The following NAF1 variants were observed in gnomAD, a reference collection of about 807,000 sequenced individuals.
NAF1 encodes the protein H/ACA ribonucleoprotein complex non-core subunit NAF1.
A neutral mutation model predicts 40.6 loss-of-function variants in NAF1; 11 were observed. The ratio of observed to expected loss-of-function variants is 0.27; its 90% CI spans 0.17 to 0.45. NAF1 has a LOEUF of 0.45. Ranked by LOEUF, NAF1 falls within the 20% of genes least tolerant of loss-of-function variation. The pLI is 1.00. For synonymous variants in NAF1, 260 were observed against 228.5 expected, an observed-to-expected ratio of 1.14 and a Z score of -1.24; for missense variants, 607 against 611.1, an observed-to-expected ratio of 0.99 and a Z score of 0.07.
downstream of NAF1, among the ~76,000 whole-genome samples, chr4:163,124,972 A>G (rs1026056738): frequency 1.3e-5 from 2 of 152,172 alleles, no homozygotes; most frequent in African/African-American, 4.8e-5. Context: ...CAATATTCTG[A>G]ACTTTTTCTT....
rs1383307374 is a variant in NAF1, at chr4:163,166,747, G to A, written c.-20C>T. 1 of 1,612,870 alleles carries A rather than the reference G, an allele frequency of 6.2e-7. No homozygotes were observed. Among genetic ancestry groups the A allele is most frequent in the South Asian group, 1.1e-5 (1 of 90,914 alleles). ...CTCCATCGCACCGCGCCAGAAACCG[G>A]GTCGGCCTCAGGATTGGGGCCCCTG... On this transcript the variant is annotated 5_prime_UTR_variant, in exon 1 of 8. Transcript: ENST00000274054.
Position 163,166,759 on chromosome 4 carries a change from G to T in NAF1, c.-32C>A. 1 of 1,611,614 alleles carries T rather than the reference G, an allele frequency of 6.2e-7. No individual in the cohort carries two copies. Among genetic ancestry groups the T allele is most frequent in the Non-Finnish European group, 8.5e-7 (1 of 1,179,264 alleles). On this transcript the variant is annotated 5_prime_UTR_variant, in exon 1 of 8. Transcript: ENST00000274054. ...GCGCCAGAAACCGGGTCGGCCTCAG[G>T]ATTGGGGCCCCTGGACAAGCTCACG...
intron 4 of NAF1, chr4:163,141,793 A>C: frequency 4.2e-6 from 1 of 237,158 alleles, no homozygotes; most frequent in Non-Finnish European, 6.9e-6. Context: ...GGACCAATTT[A>C]TACCAACTGC....
At chr4:163,146,893 TATTGTTAAAAATGC>T in intron 3 of NAF1, among the ~76,000 whole-genome samples, 1 of 152,338 alleles carries the variant, frequency 6.6e-6, no homozygotes, top group Non-Finnish European at 1.5e-5. Flanking sequence ...GTCAAAATAG[TATTGTTAAAAATGC>T]AAAAATGACA....
chr4:163,123,140 C>G (rs980554667), downstream of NAF1, among the ~76,000 whole-genome samples: 16 of 152,172 alleles, frequency 1.1e-4, no homozygotes, highest in Non-Finnish European at 2.1e-4. Flanking sequence ...AGGAAGCTTT[C>G]AATCACAGGG....
chr4:163,106,099 AC>A (rs1376925409), downstream of NAF1, among the ~76,000 whole-genome samples: 2 of 152,096 alleles, frequency 1.3e-5, no homozygotes, highest in Non-Finnish European at 2.9e-5. Context: ...CATTAACCAC[AC>A]CTGTGGGAGG....
intron 2 of NAF1, among the ~76,000 whole-genome samples, chr4:163,163,837 CA>C (rs1234129836): frequency 1.3e-5 from 2 of 151,396 alleles, no homozygotes; most frequent in African/African-American, 2.4e-5. Context: ...ACGTGCAGAC[CA>C]AAAAAATTGA....
At position 163,140,261 on chromosome 4, in the gene NAF1, T is replaced by G; in HGVS notation, c.840A>C (p.Lys280Asn). Residue 280 changes from lysine (K) to asparagine (N), a missense_variant, in exon 5 of 8, where the codon AAA (lysine) becomes AAC (asparagine). Coordinates refer to ENST00000274054, the MANE Select transcript of NAF1 (RefSeq NM_138386.3). ...KETMYFAPSM[K>N]DFTQYIFTEK... ...CTGTGAATATATATTGAGTGAAATC[T>G]TTCATTGATGGAGCAAAATACATAG... 2 of 1,606,502 alleles carry G rather than the reference T, an allele frequency of 1.2e-6. No homozygotes were observed. Among genetic ancestry groups the G allele is most frequent in the Non-Finnish European group, 1.7e-6 (2 of 1,177,594 alleles).
chr4:163,127,040 C>T, downstream of NAF1: 1 of 1,551,550 alleles, frequency 6.4e-7, no homozygotes, highest in Non-Finnish European at 8.7e-7. Context: ...CATTTGGAAA[C>T]CAAAAAGTTT....
intron 3 of NAF1, 99 bp from the exon 4 acceptor site, chr4:163,145,963 T>A: frequency 1.4e-5 from 9 of 647,906 alleles, no homozygotes; most frequent in South Asian, 2.2e-5. Context: ...TAAAAAAAAA[T>A]TGAAGGTGGG....
At chr4:163,159,629 C>T (rs567506688) in intron 2 of NAF1, among the ~76,000 whole-genome samples, 5 of 151,938 alleles carry the variant, frequency 3.3e-5, no homozygotes, top group East Asian at 3.9e-4. Context: ...CATACATTCA[C>T]GTTAGGACAT....
chr4:163,124,262 C>A (rs1730591530), downstream of NAF1, among the ~76,000 whole-genome samples: 1 of 152,148 alleles, frequency 6.6e-6, no homozygotes, highest in Admixed American at 6.5e-5. Flanking sequence ...GGTTTAGTGT[C>A]CGGTGATGGT....
intron 2 of NAF1, among the ~76,000 whole-genome samples, chr4:163,112,025 T>C (rs1436566784): frequency 6.6e-6 from 1 of 152,014 alleles, no homozygotes; most frequent in Non-Finnish European, 1.5e-5. Context: ...TAGAATAAGC[T>C]ACAGAGGAAA....
At chr4:163,154,967 G>C (rs1731916893) in intron 2 of NAF1, among the ~76,000 whole-genome samples, 1 of 151,992 alleles carries the variant, frequency 6.6e-6, no homozygotes, top group Non-Finnish European at 1.5e-5. Context: ...GCACCCAAGA[G>C]ATGTGCTTTC....
chr4:163,110,335 A>C (rs1730121694), intron 2 of NAF1: 1 of 694,572 alleles, frequency 1.4e-6, no homozygotes, highest in Non-Finnish European at 2.6e-6. Flanking sequence ...GAGAGAAAGA[A>C]TACATTCACA....
chr4:163,163,610 G>A (rs1732318786), intron 2 of NAF1, among the ~76,000 whole-genome samples: 2 of 146,668 alleles, frequency 1.4e-5, no homozygotes, highest in Admixed American at 6.7e-5. Flanking sequence ...TACAGCATAA[G>A]AGGAAATAAC....
Position 163,137,262 on chromosome 4 carries a change from G to A in NAF1, c.879-12C>T, listed in dbSNP as rs1456896008. On this transcript the variant is annotated splice_polypyrimidine_tract_variant and intron_variant, in intron 5 of 7. Coordinates refer to ENST00000274054, the MANE Select transcript of NAF1 (RefSeq NM_138386.3). ...CTGATCCCTTATCCCTGAGTGGGGTGGGGATGGGAGTCAAAAAAGTATTCA... is the reference window on the plus strand; with the variant it reads ...CTGATCCCTTATCCCTGAGTGGGGTAGGGATGGGAGTCAAAAAAGTATTCA... The A allele has an allele frequency of 6.3e-7, 1 of 1,599,256 alleles. No homozygotes were observed. Among genetic ancestry groups the A allele is most frequent in the Non-Finnish European group, 8.5e-7 (1 of 1,173,140 alleles).
rs557051466 is a variant in NAF1 at position 163,114,179 on chromosome 4, T to C, written c.115-3889A>G. Among the ~76,000 whole-genome samples the C allele has an allele frequency of 4.6e-5, 7 of 152,324 alleles. No homozygotes were observed. In the East Asian group the frequency reaches 1.3e-3, roughly 29 times the overall value. On this transcript the variant is annotated intron_variant, in intron 2 of 2. Transcript: ENST00000509434. ...TAAAATTCAGGAAACTGCATGTATCTAGCCACTGAAGTAGAACCACAGAGG... is the reference window on the plus strand; with the variant it reads ...TAAAATTCAGGAAACTGCATGTATCCAGCCACTGAAGTAGAACCACAGAGG...
downstream of NAF1, chr4:163,127,133 AC>A (rs1307686588): frequency 3.9e-6 from 6 of 1,548,154 alleles, no homozygotes; most frequent in African/African-American, 8.2e-5. Flanking sequence ...AAAGAAATGG[AC>A]AGATTTTTAC....
Sources: allele counts gnomAD v4.1 joint callset (sites outside exome capture counted in the v4.1 genomes callset), GRCh38; gene constraint gnomAD v4.1.1; transcripts MANE v1.5; gene names NCBI Gene and HGNC (gene_info 2026-07-23, HGNC 2026-07-21).